MAGI3: variants seen among roughly 807,000 people sequenced by gnomAD.
The protein encoded by MAGI3 is membrane-associated guanylate kinase, WW and PDZ domain-containing protein 3.
In MAGI3, 43 loss-of-function variants were observed where a neutral mutation model predicts 121.8. That is an observed-to-expected ratio of 0.35 (90% CI 0.28 to 0.46). The LOEUF is 0.46. Among genes scored for constraint, MAGI3 ranks in the 20% least tolerant of loss-of-function variants. The probability of loss-of-function intolerance (pLI) is 1.00; values close to 1 mark genes in which losing one functional copy is unlikely to be tolerated. For missense variants in MAGI3, 1,547 were observed against 1,797.3 expected (o/e 0.86, Z 2.52); for synonymous variants, 553 against 639.3 (o/e 0.86, Z 2.04).
intron 16 of MAGI3, among the ~76,000 whole-genome samples, chr1:113,663,531 T>C (rs1653891360): frequency 6.6e-6 from 1 of 152,120 alleles, no homozygotes; most frequent in Non-Finnish European, 1.5e-5. Flanking sequence ...GTAGCATGCA[T>C]CAGTACTGCA....
chr1:113,409,452 G>A (rs1393943167), intron 1 of MAGI3, among the ~76,000 whole-genome samples: 2 of 151,926 alleles, frequency 1.3e-5, no homozygotes, highest in Non-Finnish European at 2.9e-5. Context: ...AGACTAGCCT[G>A]GGCAACATGG....
At chr1:113,673,271 TA>T in intron 18 of MAGI3, 50 bp from the exon 19 acceptor site, 1 of 1,570,716 alleles carries the variant, frequency 6.4e-7, no homozygotes, top group Non-Finnish European at 8.6e-7. Flanking sequence ...CTTCAAAATG[TA>T]AGTAAACAGT....
chr1:113,599,556 C>A (rs867907485), intron 6 of MAGI3, among the ~76,000 whole-genome samples: 3,459 of 151,968 alleles, frequency 0.023, 134 homozygotes, highest in African/African-American at 0.079. Context: ...CAATAACAGG[C>A]TCTGAAATTG....
At chr1:113,505,180 A>G (rs1337137682) in intron 1 of MAGI3, among the ~76,000 whole-genome samples, 1 of 152,166 alleles carries the variant, frequency 6.6e-6, no homozygotes, top group Non-Finnish European at 1.5e-5. Context: ...AATGGAACTC[A>G]AAGAGCAAGT....
intron 1 of MAGI3, among the ~76,000 whole-genome samples, chr1:113,400,814 C>T (rs976092451): frequency 1.3e-5 from 2 of 152,076 alleles, no homozygotes; most frequent in Non-Finnish European, 2.9e-5. Flanking sequence ...ATTTTAATTT[C>T]CTTTGAATAG....
At chr1:113,621,325 T>C (rs1160648766) in intron 8 of MAGI3, among the ~76,000 whole-genome samples, 1 of 152,182 alleles carries the variant, frequency 6.6e-6, no homozygotes, top group East Asian at 1.9e-4. Context: ...GTATGTCATA[T>C]GTTGCTGGAA....
Position 113,547,926 on chromosome 1 carries a change from C to CAAA in MAGI3, c.317-1587_317-1585dup, listed in dbSNP as rs1285801998. On this transcript the variant is annotated intron_variant, in intron 1 of 20. Transcript: ENST00000307546. ...TGCTCAGCATCTATTTTTAGCAAGA[C>CAAA]AAAAGAAGGACTTTTTAGGGTTTGT... Among the ~76,000 whole-genome samples, 3 of 152,192 alleles carry CAAA rather than the reference C, an allele frequency of 2.0e-5. No homozygotes were observed. The South Asian group carries it at 6.2e-4, about 32-fold the overall frequency.
At chr1:113,488,433 C>G (rs1299220730) in intron 1 of MAGI3, among the ~76,000 whole-genome samples, 1 of 152,256 alleles carries the variant, frequency 6.6e-6, no homozygotes, top group Admixed American at 6.5e-5. Flanking sequence ...CTGCTGACCC[C>G]TCCCAGGCCC....
Position 113,594,552 on chromosome 1 carries a change from A to C in MAGI3, c.1010A>C (p.Glu337Ala), listed in dbSNP as rs1383066015. 1.9e-6 allele frequency: 3 copies of C among 1,611,466 alleles called. No homozygotes were observed. The African/African-American group carries it at 4.0e-5, about 22-fold the overall frequency. ...CKKAKAPEDC[E>A]DGELPYGWEK... is the part of the protein sequence containing the mutation. ...AAAGCCAAAGCCCCTGAAGACTGTG[A>C]AGATGGAGGTAGAGATTCAGAAACT... The change falls in exon 6 of 21, where the codon GAA becomes GCA. Residue 337 changes from glutamate to alanine, a missense_variant. By Grantham distance (107) the Glu-to-Ala change is moderately radical. Transcript: ENST00000307546.
intron 1 of MAGI3, among the ~76,000 whole-genome samples, chr1:113,516,745 A>T (rs1657928753): frequency 6.6e-6 from 1 of 152,032 alleles, no homozygotes; most frequent in South Asian, 2.1e-4. Context: ...GAGCACAATC[A>T]GTATAGGAGA....
At chr1:113,402,783 G>T (rs1330448952) in intron 1 of MAGI3, among the ~76,000 whole-genome samples, 1 of 152,122 alleles carries the variant, frequency 6.6e-6, no homozygotes, top group African/African-American at 2.4e-5. Context: ...TTGTGCTCTT[G>T]CTGGGTGCGG....
In MAGI3 at chr1:113,594,474, T is replaced by C. The variant is rs1266392409; in HGVS notation, c.939-7T>C. 5 of 1,605,030 alleles carry C rather than the reference T, an allele frequency of 3.1e-6. No homozygotes were observed. In the South Asian group the frequency reaches 5.6e-5, roughly 18 times the overall value. ...TACTGTTTCTAATTAAAATCTTTAT[T>C]CTACAGCCACAATACCAAGACAACC... is the stretch of plus-strand genomic sequence containing the variant. On this transcript the variant is annotated splice_region_variant and splice_polypyrimidine_tract_variant and intron_variant, in intron 5 of 20. Coordinates refer to ENST00000307546, the MANE Select transcript of MAGI3 (RefSeq NM_001142782.2).
intron 19 of MAGI3, among the ~76,000 whole-genome samples, chr1:113,677,427 G>A (rs1295977370): frequency 6.6e-6 from 1 of 152,180 alleles, no homozygotes; most frequent in Non-Finnish European, 1.5e-5. Context: ...ATCCTGTGCA[G>A]GCCACAGTGT....
At chr1:113,540,359 A>G (rs1659230778) in intron 1 of MAGI3, among the ~76,000 whole-genome samples, 1 of 152,216 alleles carries the variant, frequency 6.6e-6, no homozygotes, top group African/African-American at 2.4e-5. Flanking sequence ...GCAGACACGT[A>G]CCCACTGTTC....
intron 6 of MAGI3, among the ~76,000 whole-genome samples, chr1:113,608,525 T>C (rs529642702): frequency 6.6e-6 from 1 of 152,280 alleles, no homozygotes; most frequent in African/African-American, 2.4e-5. Context: ...TACTTAGTCT[T>C]TGGCCTCTGT....
intron 1 of MAGI3, among the ~76,000 whole-genome samples, chr1:113,516,675 G>A (rs1657925332): frequency 6.6e-6 from 1 of 151,934 alleles, no homozygotes; most frequent in African/African-American, 2.4e-5. Flanking sequence ...TGCCCCCAAG[G>A]TGTGGGACAT....
At chr1:113,455,303 G>C (rs899317219) in intron 1 of MAGI3, among the ~76,000 whole-genome samples, 4 of 152,106 alleles carry the variant, frequency 2.6e-5, no homozygotes, top group African/African-American at 9.7e-5. Flanking sequence ...GCAGAGTTGT[G>C]TGGTAATATA....
intron 2 of MAGI3, among the ~76,000 whole-genome samples, chr1:113,573,048 C>G (rs1211827567): frequency 2.0e-5 from 3 of 150,202 alleles, no homozygotes; most frequent in African/African-American, 7.3e-5. Flanking sequence ...GCCTCAGCCT[C>G]CCAAGTAGCT....
chr1:113,438,675 A>G (rs1245379259), intron 1 of MAGI3, among the ~76,000 whole-genome samples: 7 of 152,184 alleles, frequency 4.6e-5, no homozygotes, highest in Non-Finnish European at 1.0e-4. Context: ...AAGAGTTGCC[A>G]GCCTCTTTAA....
Sources: gnomAD v4.1 joint callset for allele counts (sites outside exome capture counted in the v4.1 genomes callset) on GRCh38, gnomAD v4.1.1 for gene constraint, MANE v1.5 for transcripts, NCBI Gene and HGNC (gene_info 2026-07-23, HGNC 2026-07-21) for gene names.